LINGO2: variants seen among roughly 807,000 people sequenced by gnomAD.
LINGO2 encodes the protein leucine rich repeat and Ig domain containing 2, also known as leucine-rich repeat and immunoglobulin-like domain-containing nogo receptor-interacting protein 2.
LINGO2 carries 14 observed loss-of-function variants against 30.6 expected under a neutral mutation model. That is an observed-to-expected ratio of 0.46 (90% CI 0.30 to 0.72). LINGO2 has a LOEUF of 0.72. Among genes scored for constraint, LINGO2 ranks in the 30% least tolerant of loss-of-function variants. The pLI is 0.07. For synonymous variants in LINGO2, 317 were observed against 288.5 expected (o/e 1.10, Z -1.00); for missense variants, 729 against 751.7 (o/e 0.97, Z 0.35).
chr9:28,066,316 G>A (rs369132339), intron 4 of LINGO2, among the ~76,000 whole-genome samples: 9 of 152,224 alleles, frequency 5.9e-5, no homozygotes, highest in African/African-American at 9.6e-5. Context: ...CTTATCTTTC[G>A]TTTGGGCAGA....
chr9:28,235,912 T>C (rs1322391461), intron 4 of LINGO2, among the ~76,000 whole-genome samples: 2 of 152,130 alleles, frequency 1.3e-5, no homozygotes, highest in Non-Finnish European at 2.9e-5. Context: ...AGAGAGTTTA[T>C]TTAAAGAGAT....
At chr9:28,823,832 T>G in the LINGO2 span, among the ~76,000 whole-genome samples, 1 of 152,316 alleles carries the variant, frequency 6.6e-6, no homozygotes, top group African/African-American at 2.4e-5. Context: ...TATGATAAGC[T>G]GTACAGTCTC....
At chr9:28,346,977 T>C (rs1280294992) in intron 3 of LINGO2, among the ~76,000 whole-genome samples, 1 of 152,158 alleles carries the variant, frequency 6.6e-6, no homozygotes, top group Non-Finnish European at 1.5e-5. Flanking sequence ...ATTCTGTAGG[T>C]TGTCTGTTTA....
chr9:28,386,535 T>C (rs1310022471), intron 2 of LINGO2, among the ~76,000 whole-genome samples: 2 of 152,142 alleles, frequency 1.3e-5, no homozygotes, highest in East Asian at 3.8e-4. Context: ...ATCATGCCAA[T>C]GAGAGATGAC....
chr9:28,280,580 G>A (rs990801073), intron 4 of LINGO2, among the ~76,000 whole-genome samples: 1 of 152,090 alleles, frequency 6.6e-6, no homozygotes, highest in African/African-American at 2.4e-5. Context: ...TTAAGACAAT[G>A]TCCTTTTACT....
intron 1 of LINGO2, among the ~76,000 whole-genome samples, chr9:28,514,042 T>C (rs148303369): frequency 0.026 from 4,021 of 152,364 alleles, 65 homozygotes; most frequent in Middle Eastern, 0.061. Flanking sequence ...ATATCTGTTA[T>C]GGTGATCTCT....
chr9:28,537,577 A>T (rs1821491076), intron 1 of LINGO2, among the ~76,000 whole-genome samples: 1 of 152,122 alleles, frequency 6.6e-6, no homozygotes, highest in Non-Finnish European at 1.5e-5. Context: ...AAGAGACCTA[A>T]TTTAAAAGGA....
chr9:28,512,593 G>GTATATATATATA (rs770866133), intron 1 of LINGO2, among the ~76,000 whole-genome samples: 1 of 10,594 alleles, frequency 9.4e-5, no homozygotes, highest in Non-Finnish European at 2.2e-4. Flanking sequence ...ATATATGTGT[G>GTATATATATATA]TATATATATA....
chr9:28,049,114 C>G (rs1037069579), intron 4 of LINGO2, among the ~76,000 whole-genome samples: 3 of 150,940 alleles, frequency 2.0e-5, no homozygotes, highest in Non-Finnish European at 4.4e-5. Context: ...TAAGTGTATG[C>G]AATGCCTTCA....
chr9:28,462,834 T>C lies in LINGO2; in HGVS notation c.-279+13106A>G, dbSNP rs867954187. Among the ~76,000 whole-genome samples the C allele has an allele frequency of 2.0e-5, 3 of 152,140 alleles. No individual in the cohort carries two copies. In the South Asian group the frequency reaches 6.2e-4, roughly 32 times the overall value. On this transcript the variant is annotated intron_variant, in intron 2 of 5. Coordinates refer to ENST00000379992, the Ensembl canonical transcript of LINGO2. ...GTGGTAATTAAGTTCTGAGGATTTT[T>C]CCAAGGAACTATCTATTCTGAACTA...
chr9:28,090,258 A>G (rs1023508506), intron 4 of LINGO2, among the ~76,000 whole-genome samples: 4 of 152,076 alleles, frequency 2.6e-5, no homozygotes, highest in Non-Finnish European at 5.9e-5. Flanking sequence ...GAAACACAAC[A>G]AAAAAAGAGA....
At chr9:28,340,666 T>C (rs770379807) in intron 3 of LINGO2, among the ~76,000 whole-genome samples, 9 of 152,192 alleles carry the variant, frequency 5.9e-5, no homozygotes, top group Middle Eastern at 3.4e-3. Context: ...TGGATGTAAA[T>C]GAGTAGAGTT....
the LINGO2 span, among the ~76,000 whole-genome samples, chr9:28,720,813 G>A: frequency 6.6e-6 from 1 of 151,884 alleles, no homozygotes; most frequent in Non-Finnish European, 1.5e-5. Flanking sequence ...TGCTTTTCAT[G>A]CAAAATAAAA....
rs569618395 is a variant in LINGO2 at position 28,132,109 on chromosome 9, C to A, written c.-86-119704G>T. 1.1e-3 allele frequency among the ~76,000 whole-genome samples: 170 copies of A among 152,232 alleles called. 1 individual carries two copies. The highest frequency in any genetic ancestry group is 4.0e-3 in the African/African-American group (167 of 41,538). On this transcript the variant is annotated intron_variant, in intron 4 of 5. Coordinates refer to ENST00000379992, the Ensembl canonical transcript of LINGO2. ...AAAAAGTTCAAAGCTAAATATGCAG[C>A]CCAGTTTTAGTAACTAGTTTTAGTA...
the LINGO2 span, among the ~76,000 whole-genome samples, chr9:28,861,204 TA>T: frequency 8.6e-6 from 1 of 115,786 alleles, no homozygotes; most frequent in East Asian, 2.1e-4. Flanking sequence ...ATATATTATA[TA>T]TTTTTTATAT....
At chr9:28,066,147 A>C (rs1366798249) in intron 4 of LINGO2, among the ~76,000 whole-genome samples, 2 of 152,042 alleles carry the variant, frequency 1.3e-5, no homozygotes, top group African/African-American at 2.4e-5. Flanking sequence ...TGTTACCTTA[A>C]TTTACCTAAT....
intron 1 of LINGO2, among the ~76,000 whole-genome samples, chr9:28,667,512 G>A (rs1338447480): frequency 6.6e-6 from 1 of 152,104 alleles, no homozygotes. Context: ...GGGATGCCAT[G>A]GCAAGTGGAT....
chr9:28,043,633 G>A (rs1267055598), intron 4 of LINGO2, among the ~76,000 whole-genome samples: 1 of 152,084 alleles, frequency 6.6e-6, no homozygotes, highest in African/African-American at 2.4e-5. Context: ...AACTATGAAA[G>A]AATTAACCCT....
At chr9:28,286,778 A>G (rs1277209810) in intron 4 of LINGO2, among the ~76,000 whole-genome samples, 1 of 152,136 alleles carries the variant, frequency 6.6e-6, no homozygotes, top group Non-Finnish European at 1.5e-5. Flanking sequence ...ATGGTCACAT[A>G]GAGGGAAACA....
Sources: allele counts gnomAD v4.1 joint callset (sites outside exome capture counted in the v4.1 genomes callset), GRCh38; gene constraint gnomAD v4.1.1; transcripts MANE v1.5; gene names NCBI Gene and HGNC (gene_info 2026-07-23, HGNC 2026-07-21).